Variants in MLF1 observed in about 807,000 individuals in gnomAD.
MLF1 encodes myelodysplasia-myeloid leukemia factor 1.
A neutral mutation model predicts 38.3 loss-of-function variants in MLF1; 37 were observed. That is an observed-to-expected ratio of 0.96 (90% CI 0.74 to 1.27). The LOEUF is 1.27. Among genes scored for constraint, MLF1 ranks in the 50% most tolerant of loss-of-function variants. The probability of loss-of-function intolerance (pLI) is 0.00; values close to 1 mark genes in which losing one functional copy is unlikely to be tolerated. For missense variants in MLF1, 331 were observed against 349.2 expected (o/e 0.95, Z 0.42); for synonymous variants, 95 against 106.5 (o/e 0.89, Z 0.66).
chr3:158,574,528 T>TAAAAAAAA (rs1715105953), intron 1 of MLF1, among the ~76,000 whole-genome samples: 1 of 66,984 alleles, frequency 1.5e-5, no homozygotes, highest in African/African-American at 3.7e-5. Context: ...AAAAAAAAAA[T>TAAAAAAAA]ACAAAATTAG....
intron 1 of MLF1, among the ~76,000 whole-genome samples, chr3:158,587,827 C>T (rs928064678): frequency 6.6e-6 from 1 of 152,124 alleles, no homozygotes; most frequent in Non-Finnish European, 1.5e-5. Flanking sequence ...AGTGAAACCC[C>T]ATCTCTACTA....
chr3:158,602,736 T>C, intron 6 of MLF1, 71 bp from the exon 7 acceptor site: 8 of 1,478,674 alleles, frequency 5.4e-6, no homozygotes, highest in Non-Finnish European at 7.4e-6. Context: ...GACTGAAATA[T>C]GTGGGAGCAA....
At chr3:158,597,053 T>G (rs760763435) in intron 4 of MLF1, 108 bp downstream of exon 4, 19 of 619,452 alleles carry the variant, frequency 3.1e-5, no homozygotes, top group Non-Finnish European at 5.4e-5. Context: ...AAAAGATACC[T>G]TACATGATTA....
intron 1 of MLF1, among the ~76,000 whole-genome samples, chr3:158,584,826 C>T (rs1455853769): frequency 6.6e-6 from 1 of 151,688 alleles, no homozygotes; most frequent in Non-Finnish European, 1.5e-5. Flanking sequence ...TACACTAATA[C>T]TAGTGATAGC....
chr3:158,596,719 C>CT (rs1718930101), intron 3 of MLF1, 143 bp from the exon 4 acceptor site: 2 of 532,220 alleles, frequency 3.8e-6, no homozygotes, highest in Admixed American at 6.7e-5. Context: ...ATTATATCCT[C>CT]TAAGTTATCT....
chr3:158,577,386 A>G (rs1180599735), intron 1 of MLF1, among the ~76,000 whole-genome samples: 1 of 152,222 alleles, frequency 6.6e-6, no homozygotes, highest in Non-Finnish European at 1.5e-5. Flanking sequence ...AGTCTCTGCC[A>G]AATTGTCATA....
chr3:158,578,436 AATT>A (rs1176853420), intron 1 of MLF1, among the ~76,000 whole-genome samples: 1 of 151,130 alleles, frequency 6.6e-6, no homozygotes, highest in Non-Finnish European at 1.5e-5. Context: ...AAAAACAATA[AATT>A]ATTCTAAAGG....
intron 1 of MLF1, among the ~76,000 whole-genome samples, chr3:158,588,600 CAAAAAAAAAAAAA>C (rs67267045): frequency 2.0e-5 from 1 of 51,276 alleles, no homozygotes; most frequent in Non-Finnish European, 3.8e-5. Flanking sequence ...GACTCCGTCT[CAAAAAAAAAAAAA>C]AAAAAAAAAA....
chr3:158,603,949 C>G (rs1720156687), intron 7 of MLF1, among the ~76,000 whole-genome samples: 1 of 152,062 alleles, frequency 6.6e-6, no homozygotes, highest in Non-Finnish European at 1.5e-5. Flanking sequence ...TATCTAATTC[C>G]TATGAAGTTA....
intron 3 of MLF1, among the ~76,000 whole-genome samples, chr3:158,595,480 A>T (rs1167479246): frequency 6.6e-6 from 1 of 152,134 alleles, no homozygotes; most frequent in African/African-American, 2.4e-5. Context: ...CCAAATGTCT[A>T]ATCTTTTCCT....
intron 1 of MLF1, among the ~76,000 whole-genome samples, chr3:158,571,584 G>A: frequency 7.3e-6 from 1 of 137,726 alleles, no homozygotes; most frequent in Admixed American, 7.4e-5. Context: ...GGAGGGTTTG[G>A]ACGCGTGAGG....
At chr3:158,594,116 C>T (rs899431709) in intron 3 of MLF1, among the ~76,000 whole-genome samples, 1 of 151,926 alleles carries the variant, frequency 6.6e-6, no homozygotes, top group Non-Finnish European at 1.5e-5. Context: ...AACATTTATC[C>T]CTCCTGACCA....
chr3:158,597,171 C>A (rs1021601984), intron 4 of MLF1, among the ~76,000 whole-genome samples: 3 of 151,886 alleles, frequency 2.0e-5, no homozygotes, highest in Non-Finnish European at 4.4e-5. Flanking sequence ...TAGTCTATTT[C>A]ATGTATTAAA....
At chr3:158,573,833 C>T (rs1714954133) in intron 1 of MLF1, among the ~76,000 whole-genome samples, 1 of 152,118 alleles carries the variant, frequency 6.6e-6, no homozygotes, top group Admixed American at 6.5e-5. Flanking sequence ...GAGACAGGGT[C>T]TCACTGTGTT....
chr3:158,589,314 T>C (rs1391900805), intron 1 of MLF1, among the ~76,000 whole-genome samples: 1 of 152,056 alleles, frequency 6.6e-6, no homozygotes, highest in African/African-American at 2.4e-5. Flanking sequence ...CGGGTTTAAG[T>C]GATTCTCCTG....
chr3:158,588,219 A>C (rs753361823), intron 1 of MLF1, among the ~76,000 whole-genome samples: 2 of 152,210 alleles, frequency 1.3e-5, no homozygotes, highest in Non-Finnish European at 2.9e-5. Context: ...TGAGATGACT[A>C]AAGCCTCAAC....
chr3:158,584,672 TGTG>T (rs1291534012), intron 1 of MLF1, among the ~76,000 whole-genome samples: 41 of 151,432 alleles, frequency 2.7e-4, no homozygotes, highest in South Asian at 1.0e-3. Flanking sequence ...TGTGTGTGTG[TGTG>T]TGTGTGTGTG....
At chr3:158,591,940 G>A (rs1229250546) in intron 1 of MLF1, among the ~76,000 whole-genome samples, 1 of 152,022 alleles carries the variant, frequency 6.6e-6, no homozygotes, top group African/African-American at 2.4e-5. Flanking sequence ...TCAACTTAAC[G>A]ATAAGATTAC....
intron 4 of MLF1, 46 bp downstream of exon 4, chr3:158,596,991 T>A: frequency 1.6e-6 from 2 of 1,244,170 alleles, no homozygotes; most frequent in Non-Finnish European, 2.3e-6. Flanking sequence ...TATACTTTGA[T>A]ATATTCTATT....
Sources: gnomAD v4.1 joint callset for allele counts (sites outside exome capture counted in the v4.1 genomes callset) on GRCh38, gnomAD v4.1.1 for gene constraint, MANE v1.5 for transcripts, NCBI Gene and HGNC (gene_info 2026-07-23, HGNC 2026-07-21) for gene names.